SSBP2: variants seen among roughly 807,000 people sequenced by gnomAD.
SSBP2 encodes single-stranded DNA-binding protein 2.
Under a neutral mutation model 61.8 loss-of-function variants are expected in SSBP2, and 17 were observed. That is an observed-to-expected ratio of 0.28 (90% CI 0.19 to 0.41). The LOEUF (loss-of-function observed/expected upper bound fraction) is 0.41. SSBP2 is among the 10% of genes least tolerant of loss of function. The pLI, the probability that SSBP2 is intolerant of heterozygous loss-of-function variation, is 1.00. For synonymous variants in SSBP2, 139 were observed against 141.3 expected, an observed-to-expected ratio of 0.98 and a Z score of 0.12; for missense variants, 310 against 458.7, an observed-to-expected ratio of 0.68 and a Z score of 2.96.
intron 16 of SSBP2, among the ~76,000 whole-genome samples, chr5:81,421,902 C>T (rs1159258189): frequency 1.3e-5 from 2 of 152,126 alleles, no homozygotes; most frequent in Non-Finnish European, 2.9e-5. Context: ...CCACATGTAG[C>T]TAGTGGTTAC....
chr5:81,516,303 T>C (rs1040119745), intron 4 of SSBP2, among the ~76,000 whole-genome samples: 12 of 152,078 alleles, frequency 7.9e-5, no homozygotes, highest in African/African-American at 2.9e-4. Flanking sequence ...AGTTCCTCTT[T>C]CTTAATATTC....
At chr5:81,529,737 A>G (rs186466341) in intron 4 of SSBP2, among the ~76,000 whole-genome samples, 1 of 152,138 alleles carries the variant, frequency 6.6e-6, no homozygotes. Context: ...TGATTTTGGA[A>G]CTACAGAAGA....
intron 1 of SSBP2, among the ~76,000 whole-genome samples, chr5:81,662,205 C>T (rs2153745483): frequency 6.6e-6 from 1 of 152,298 alleles, no homozygotes; most frequent in East Asian, 1.9e-4. Context: ...GTGGCTCATG[C>T]CTGTAATCCC....
intron 6 of SSBP2, among the ~76,000 whole-genome samples, chr5:81,486,280 A>G (rs1190595357): frequency 6.6e-6 from 1 of 152,178 alleles, no homozygotes; most frequent in Non-Finnish European, 1.5e-5. Context: ...ATTTGTCAAC[A>G]AACTAGGTTT....
At chr5:81,538,916 T>C (rs985017168) in intron 4 of SSBP2, among the ~76,000 whole-genome samples, 7 of 152,218 alleles carry the variant, frequency 4.6e-5, no homozygotes, top group Non-Finnish European at 8.8e-5. Flanking sequence ...GAGACTGATG[T>C]TGTTTTCCTG....
intron 1 of SSBP2, among the ~76,000 whole-genome samples, chr5:81,692,834 C>G (rs1165092362): frequency 1.3e-5 from 2 of 152,146 alleles, no homozygotes; most frequent in African/African-American, 2.4e-5. Flanking sequence ...ATCCCTATTT[C>G]TCACCATATA....
At chr5:81,686,953 T>C (rs897647722) in intron 1 of SSBP2, among the ~76,000 whole-genome samples, 1 of 144,548 alleles carries the variant, frequency 6.9e-6, no homozygotes, top group African/African-American at 2.6e-5. Context: ...GATGGCCAAA[T>C]AGAAGCATCC....
intron 1 of SSBP2, among the ~76,000 whole-genome samples, chr5:81,728,604 CAAT>C (rs1756047692): frequency 6.6e-6 from 1 of 152,302 alleles, no homozygotes; most frequent in South Asian, 2.1e-4. Flanking sequence ...TTACCACACA[CAAT>C]AATAGTGTGG....
At chr5:81,512,740 T>G (rs1017269253) in intron 5 of SSBP2, among the ~76,000 whole-genome samples, 1 of 152,138 alleles carries the variant, frequency 6.6e-6, no homozygotes, top group African/African-American at 2.4e-5. Flanking sequence ...GCAATGATGG[T>G]GTGAATTTGA....
chr5:81,605,574 C>T (rs546818236), intron 4 of SSBP2, among the ~76,000 whole-genome samples: 36 of 152,200 alleles, frequency 2.4e-4, no homozygotes, highest in African/African-American at 7.2e-4. Context: ...TTACTATATA[C>T]AATTATCACT....
chr5:81,558,182 A>G (rs1485800200), intron 4 of SSBP2, among the ~76,000 whole-genome samples: 3 of 152,076 alleles, frequency 2.0e-5, no homozygotes, highest in African/African-American at 7.2e-5. Context: ...CACCTCTCAT[A>G]CTTCATTGAA....
chr5:81,643,558 T>G (rs1026395183), intron 2 of SSBP2, among the ~76,000 whole-genome samples: 1 of 150,712 alleles, frequency 6.6e-6, no homozygotes. Context: ...AAACCAAATG[T>G]AAAAAAAGTT....
intron 3 of SSBP2, among the ~76,000 whole-genome samples, chr5:81,632,282 C>T (rs1747800887): frequency 6.6e-6 from 1 of 152,150 alleles, no homozygotes; most frequent in Non-Finnish European, 1.5e-5. Flanking sequence ...CTAAACTTTT[C>T]TTTCGTTTCT....
intron 1 of SSBP2, among the ~76,000 whole-genome samples, chr5:81,666,611 A>G (rs1348452062): frequency 6.6e-6 from 1 of 152,150 alleles, no homozygotes; most frequent in Non-Finnish European, 1.5e-5. Context: ...AAACTAATTA[A>G]ATCAATGTTA....
At chr5:81,630,021 A>C (rs572165057) in intron 3 of SSBP2, among the ~76,000 whole-genome samples, 1 of 152,326 alleles carries the variant, frequency 6.6e-6, no homozygotes, top group South Asian at 2.1e-4. Flanking sequence ...TATTTGGTGA[A>C]AAGGCTTAAA....
chr5:81,707,997 A>G (rs1238654587), intron 1 of SSBP2, among the ~76,000 whole-genome samples: 1 of 152,214 alleles, frequency 6.6e-6, no homozygotes, highest in Non-Finnish European at 1.5e-5. Context: ...CTCAAAAATG[A>G]GAGCTAATGA....
intron 1 of SSBP2, among the ~76,000 whole-genome samples, chr5:81,667,926 T>C (rs908240271): frequency 1.3e-5 from 2 of 152,158 alleles, no homozygotes; most frequent in African/African-American, 4.8e-5. Context: ...GGTTGACTTA[T>C]AGAATTCAAC....
intron 4 of SSBP2, among the ~76,000 whole-genome samples, chr5:81,550,455 C>T (rs1369216006): frequency 2.6e-5 from 4 of 151,840 alleles, no homozygotes; most frequent in Admixed American, 1.3e-4. Flanking sequence ...ATTTTTTTTA[C>T]CAAAGTAATT....
chr5:81,464,647 G>C (rs1162645249), intron 9 of SSBP2, among the ~76,000 whole-genome samples: 1 of 152,012 alleles, frequency 6.6e-6, no homozygotes, highest in Non-Finnish European at 1.5e-5. Context: ...TGGCAAATAA[G>C]AAAAAATGAC....
Sources: allele counts gnomAD v4.1 joint callset (sites outside exome capture counted in the v4.1 genomes callset), GRCh38; gene constraint gnomAD v4.1.1; transcripts MANE v1.5; gene names NCBI Gene and HGNC (gene_info 2026-07-23, HGNC 2026-07-21).